The following VEZT variants were observed in gnomAD, a reference collection of about 807,000 sequenced individuals.
VEZT encodes the protein vezatin.
Under a neutral mutation model 79.9 loss-of-function variants are expected in VEZT, and 39 were observed. The ratio of observed to expected loss-of-function variants is 0.49; its 90% confidence interval spans 0.38 to 0.64. VEZT has a LOEUF of 0.64. Ranked by LOEUF, VEZT falls within the 30% of genes least tolerant of loss-of-function variation. VEZT has a pLI of 0.00. For synonymous variants in VEZT, 325 were observed against 327.6 expected, an observed-to-expected ratio of 0.99 and a Z score of 0.09; for missense variants, 837 against 893.1, an observed-to-expected ratio of 0.94 and a Z score of 0.80.
At chr12:95,289,707 T>TA (rs1432524497) in intron 9 of VEZT, among the ~76,000 whole-genome samples, 1 of 152,210 alleles carries the variant, frequency 6.6e-6, no homozygotes, top group Non-Finnish European at 1.5e-5. Flanking sequence ...GGTTTAAATT[T>TA]AAAAAATGTT....
intron 1 of VEZT, among the ~76,000 whole-genome samples, chr12:95,234,446 C>CCCCCGGCTAA (rs753839856): frequency 2.0e-4 from 30 of 152,018 alleles, no homozygotes; most frequent in Non-Finnish European, 3.5e-4. Flanking sequence ...TGCGCCACCA[C>CCCCCGGCTAA]CCCCGGCTAA....
chr12:95,285,522 T>A (rs1403691200), intron 8 of VEZT, among the ~76,000 whole-genome samples: 3 of 152,128 alleles, frequency 2.0e-5, no homozygotes, highest in Non-Finnish European at 4.4e-5. Context: ...CATCCTTCAA[T>A]GCTACCTCAA....
chr12:95,238,887 A>G (rs749915550), intron 1 of VEZT, among the ~76,000 whole-genome samples: 22 of 152,232 alleles, frequency 1.4e-4, no homozygotes, highest in Non-Finnish European at 2.4e-4. Flanking sequence ...TGGATAAATA[A>G]ATCATGATAG....
intron 1 of VEZT, among the ~76,000 whole-genome samples, chr12:95,232,799 GTTTGT>G (rs2059446867): frequency 6.6e-6 from 1 of 151,918 alleles, no homozygotes; most frequent in Admixed American, 6.6e-5. Context: ...TTTTTTGTTC[GTTTGT>G]TTTGTTTTTT....
chr12:95,257,732 A>G (rs75590237), intron 3 of VEZT, among the ~76,000 whole-genome samples: 10,202 of 152,262 alleles, frequency 0.067, 452 homozygotes, highest in Middle Eastern at 0.12. Flanking sequence ...GTATAGCCTA[A>G]AAATTCAAGT....
chr12:95,291,223 CCT>C (rs1378095642), intron 9 of VEZT, among the ~76,000 whole-genome samples: 1 of 152,092 alleles, frequency 6.6e-6, no homozygotes, highest in African/African-American at 2.4e-5. Context: ...ACAGTGAGAC[CCT>C]GTCTCAAAAA....
rs1445695561 is a variant in VEZT, at chr12:95,301,583, T to A, written c.*910T>A. Reference sequence around the variant, plus strand: ...TCTCCTTAGTATTTCATTTACAAACTACCTCTTAACAGAGACTGCTTTTCA... The same window carrying A: ...TCTCCTTAGTATTTCATTTACAAACAACCTCTTAACAGAGACTGCTTTTCA... On this transcript the variant is annotated 3_prime_UTR_variant, in exon 12 of 12. Transcript: ENST00000436874. 1.3e-5 allele frequency: 2 copies of A among 152,208 alleles called. No homozygotes were observed. Among genetic ancestry groups the A allele is most frequent in the Non-Finnish European group, 2.9e-5 (2 of 68,018 alleles). 9.4% of individuals were successfully genotyped at this position (152,208 alleles called of 1,614,324 possible).
chr12:95,233,524 C>G (rs2059575288), intron 1 of VEZT, among the ~76,000 whole-genome samples: 1 of 152,158 alleles, frequency 6.6e-6, no homozygotes. Context: ...CTCAGCCTCC[C>G]AAGTAGCTGG....
chr12:95,222,647 T>C (rs1035581184), intron 1 of VEZT, among the ~76,000 whole-genome samples: 1 of 152,130 alleles, frequency 6.6e-6, no homozygotes, highest in Non-Finnish European at 1.5e-5. Flanking sequence ...TATTTCCATA[T>C]AAATTTTAGA....
intron 9 of VEZT, among the ~76,000 whole-genome samples, chr12:95,292,829 G>A (rs1469142418): frequency 6.9e-6 from 1 of 144,832 alleles, no homozygotes. Context: ...TTACAGGTGT[G>A]AGCCACTGTA....
intron 1 of VEZT, among the ~76,000 whole-genome samples, chr12:95,225,319 C>A (rs1367809656): frequency 6.6e-6 from 1 of 152,212 alleles, no homozygotes; most frequent in East Asian, 1.9e-4. Context: ...CTTTGGGAGT[C>A]CGAGGCGGGC....
At position 95,301,943 on chromosome 12, in the gene VEZT, T is replaced by C. The variant is rs2075258780; in HGVS notation, c.*1270T>C. The C allele has an allele frequency of 6.6e-6, 1 of 152,224 alleles. No individual in the cohort carries two copies. The highest frequency in any genetic ancestry group is 1.5e-5 in the Non-Finnish European group (1 of 68,028). The allele number at this position is 152,224 out of a possible 1,614,324, so 9.4% of individuals were successfully genotyped here. On this transcript the variant is annotated 3_prime_UTR_variant, in exon 12 of 12. Transcript: ENST00000436874. ...ACCTGAGAAAAAAACTTGGTTCTGCTTTATATAAACAGTAGAGATTATTGT... is the reference window on the plus strand; with the variant it reads ...ACCTGAGAAAAAAACTTGGTTCTGCCTTATATAAACAGTAGAGATTATTGT...
intron 7 of VEZT, among the ~76,000 whole-genome samples, chr12:95,276,644 GTTTC>G (rs988274835): frequency 6.6e-6 from 1 of 151,990 alleles, no homozygotes; most frequent in African/African-American, 2.4e-5. Context: ...CTCTTTAGAT[GTTTC>G]TTTGTTTTTA....
intron 7 of VEZT, among the ~76,000 whole-genome samples, chr12:95,276,349 C>T (rs980132812): frequency 6.8e-6 from 1 of 146,808 alleles, no homozygotes; most frequent in African/African-American, 2.5e-5. Flanking sequence ...CTCACTGCAG[C>T]CTCAACCTCC....
chr12:95,243,729 G>A (rs1384858222), intron 1 of VEZT, among the ~76,000 whole-genome samples: 1 of 152,184 alleles, frequency 6.6e-6, no homozygotes, highest in African/African-American at 2.4e-5. Context: ...CTAATGGGAG[G>A]CATTTAGGTC....
At chr12:95,292,795 C>A (rs2073245323) in intron 9 of VEZT, among the ~76,000 whole-genome samples, 1 of 150,522 alleles carries the variant, frequency 6.6e-6, no homozygotes, top group Non-Finnish European at 1.5e-5. Flanking sequence ...GATCCACCCA[C>A]CTTAGCCTCC....
chr12:95,234,467 T>G (rs904867294), intron 1 of VEZT, among the ~76,000 whole-genome samples: 53 of 151,896 alleles, frequency 3.5e-4, no homozygotes, highest in African/African-American at 1.2e-3. Context: ...TTTTTTTGTA[T>G]TTTTTTAGTA....
intron 10 of VEZT, 35 bp downstream of exon 10, chr12:95,294,407 G>A: frequency 6.7e-7 from 1 of 1,500,086 alleles, no homozygotes; most frequent in South Asian, 1.2e-5. Flanking sequence ...TCCCTTGTTG[G>A]ATTTCTGTTT....
chr12:95,235,446 G>A lies in VEZT; in HGVS notation c.37-16494G>A, dbSNP rs1194669471. 3.7e-5 allele frequency among the ~76,000 whole-genome samples: 5 copies of A among 134,160 alleles called. No individual in the cohort carries two copies. The East Asian group carries it at 7.0e-4, about 19-fold the overall frequency. 88.0% of individuals were successfully genotyped at this position (134,160 alleles called of 152,430 possible). ...TCCCCACCTCCCTCCCGGACGGGGCGGCTGGCCGGGCAGAGGGGCTCCTCA... is the reference window on the plus strand; with the variant it reads ...TCCCCACCTCCCTCCCGGACGGGGCAGCTGGCCGGGCAGAGGGGCTCCTCA... On this transcript the variant is annotated intron_variant, in intron 1 of 11. Transcript: ENST00000436874.
Sources: gnomAD v4.1 joint callset for allele counts (sites outside exome capture counted in the v4.1 genomes callset) on GRCh38, gnomAD v4.1.1 for gene constraint, MANE v1.5 for transcripts, NCBI Gene and HGNC (gene_info 2026-07-23, HGNC 2026-07-21) for gene names.